Variants in PC observed in about 807,000 individuals in gnomAD.
PC encodes the protein pyruvate carboxylase, mitochondrial.
Under a neutral mutation model 107.8 loss-of-function variants are expected in PC, and 46 were observed. That is an observed-to-expected ratio of 0.43 (90% CI 0.34 to 0.55). PC has a LOEUF of 0.55. PC is among the 20% of genes least tolerant of loss of function. The probability of loss-of-function intolerance (pLI) is 0.04; values close to 1 mark genes in which losing one functional copy is unlikely to be tolerated. For missense variants in PC, 1,241 were observed against 1,643.1 expected (o/e 0.76, Z 4.23); for synonymous variants, 662 against 684.7 (o/e 0.97, Z 0.52).
In PC at chr11:66,852,928, A is replaced by T; in HGVS notation, c.1514-92T>A. The T allele has an allele frequency of 1.0e-6, 1 of 980,820 alleles. No individual in the cohort carries two copies. 60.8% of individuals were successfully genotyped at this position (980,820 alleles called of 1,614,324 possible). A position where few individuals can be genotyped will look rare whatever the true frequency, so the allele number is the denominator to read the frequency against. ...AGTGGCTGGGCTCAGGGACAGGGAC[A>T]CATCCCTCCAGGATCCCCGGGCTTC... On this transcript the variant is annotated intron_variant, in intron 13 of 22. Transcript: ENST00000393960. The surrounding 1 kb of genome is among the most constrained non-coding windows in gnomAD (Gnocchi z 4.7).
intron 3 of PC, among the ~76,000 whole-genome samples, chr11:66,908,924 T>G (rs1324717467): frequency 1.3e-5 from 2 of 152,140 alleles, no homozygotes; most frequent in Non-Finnish European, 2.9e-5. Flanking sequence ...TTCTCTATCT[T>G]TTCCCAAGAT....
In PC at chr11:66,852,961, C is replaced by T; in HGVS notation, c.1514-125G>A. The T allele has an allele frequency of 1.2e-6, 1 of 807,014 alleles. No homozygotes were observed. The allele number at this position is 807,014 out of a possible 1,614,324, so 50.0% of individuals were successfully genotyped here. A position where few individuals can be genotyped will look rare whatever the true frequency, so the allele number is the denominator to read the frequency against. ...CCAGGATCCCCGGGCTTCCAGCTGG[C>T]CCCTGTCCTCTCCAAAGCCAGGGCC... On this transcript the variant is annotated intron_variant, in intron 13 of 22. Transcript: ENST00000393960. This position sits in a 1 kb window ranked among gnomAD's most constrained non-coding sequence, Gnocchi z 4.7.
intron 10 of PC, among the ~76,000 whole-genome samples, chr11:66,868,194 C>T (rs765814525): frequency 2.0e-5 from 3 of 152,206 alleles, no homozygotes; most frequent in Non-Finnish European, 4.4e-5. Context: ...GAGCTGAAGC[C>T]AAACATTCAG....
At position 66,948,880 on chromosome 11, in the gene PC, G is replaced by A. The variant is rs1591317917; in HGVS notation, c.-1+3550C>T. Among the ~76,000 whole-genome samples, 3 of 151,780 alleles carry A rather than the reference G, an allele frequency of 2.0e-5. 1 individual carries two copies. In the South Asian group the frequency reaches 6.2e-4, roughly 32 times the overall value. On this transcript the variant is annotated intron_variant, in intron 3 of 22. Coordinates refer to ENST00000393960, the MANE Select transcript of PC (RefSeq NM_001040716.2). The stretch of plus-strand genomic sequence containing the variant: ...ACAAACAAAACATAAAACGGTATAG[G>A]AAAGTTTAAGAAAAGTGTAATATTC...
chr11:66,855,781 C>T (rs969854510), intron 12 of PC, among the ~76,000 whole-genome samples: 2 of 152,210 alleles, frequency 1.3e-5, no homozygotes, highest in African/African-American at 2.4e-5. Context: ...GCTGTCCTCC[C>T]CTCTCGCCCC....
intron 3 of PC, among the ~76,000 whole-genome samples, chr11:66,940,948 T>C (rs1274624305): frequency 1.3e-5 from 2 of 151,568 alleles, no homozygotes; most frequent in African/African-American, 4.8e-5. Context: ...TGGTGGTGCA[T>C]GTTTACAATC....
chr11:66,939,501 C>G (rs1476918669), intron 3 of PC, among the ~76,000 whole-genome samples: 4 of 152,076 alleles, frequency 2.6e-5, no homozygotes, highest in African/African-American at 9.7e-5. Flanking sequence ...TGAGGACAGA[C>G]TGTACTTAAA....
In PC at chr11:66,882,216, C is replaced by T. The variant is rs150120667; in HGVS notation, c.1-10057G>A. On this transcript the variant is annotated intron_variant, in intron 3 of 22. Coordinates refer to ENST00000393960, the MANE Select transcript of PC (RefSeq NM_001040716.2). ...GGAGCACAGAATCCTGCTGTCAGGC[C>T]ATCATCCCCCAAGTTTTGTTCCAGA... 3.2e-4 allele frequency among the ~76,000 whole-genome samples: 48 copies of T among 152,374 alleles called. No individual in the cohort carries two copies. In the East Asian group the frequency reaches 8.3e-3, roughly 26 times the overall value.
chr11:66,957,176 G>T (rs969902732), intron 1 of PC, among the ~76,000 whole-genome samples: 15 of 152,224 alleles, frequency 9.9e-5, no homozygotes, highest in African/African-American at 3.4e-4. Flanking sequence ...GGTGGCAGTG[G>T]GTACGGGAGC....
At chr11:66,930,741 TA>T (rs34424812) in intron 3 of PC, among the ~76,000 whole-genome samples, 41,148 of 99,328 alleles carry the variant, frequency 0.41, 7,118 homozygotes, top group Middle Eastern at 0.51. Context: ...GACTCTGTCT[TA>T]AAAAAAAAAA....
At chr11:66,849,553 C>G (rs945898412) in intron 21 of PC, 58 bp downstream of exon 21, 14 of 1,613,288 alleles carry the variant, frequency 8.7e-6, no homozygotes, top group Non-Finnish European at 1.2e-5. Flanking sequence ...AAGCTAAACT[C>G]CAGAGCTCTG....
At chr11:66,920,533 C>T (rs1402987520) in intron 3 of PC, among the ~76,000 whole-genome samples, 5 of 152,082 alleles carry the variant, frequency 3.3e-5, no homozygotes, top group African/African-American at 1.2e-4. Context: ...CCCCTGGGGA[C>T]CTGTTTGGAG....
At chr11:66,876,382 T>C (rs1946978337) in intron 3 of PC, among the ~76,000 whole-genome samples, 1 of 152,236 alleles carries the variant, frequency 6.6e-6, no homozygotes, top group South Asian at 2.1e-4. Flanking sequence ...GGAACTGGGG[T>C]CAGGGGTACG....
At chr11:66,914,772 T>C (rs151038633) in intron 3 of PC, among the ~76,000 whole-genome samples, 130 of 152,140 alleles carry the variant, frequency 8.5e-4, no homozygotes, top group African/African-American at 3.0e-3. Flanking sequence ...TGGTGGCTCA[T>C]ACCTGTAATC....
At chr11:66,878,087 G>A (rs1325114618) in intron 3 of PC, among the ~76,000 whole-genome samples, 2 of 152,162 alleles carry the variant, frequency 1.3e-5, no homozygotes, top group African/African-American at 2.4e-5. Flanking sequence ...CTGCTACACC[G>A]ACTCCTTGGG....
At chr11:66,856,342 G>A (rs1945824492) in intron 12 of PC, among the ~76,000 whole-genome samples, 1 of 152,082 alleles carries the variant, frequency 6.6e-6, no homozygotes, top group African/African-American at 2.4e-5. Context: ...GGTTGGCTCC[G>A]GAACGCCTGG....
chr11:66,939,401 T>A (rs1178319993), intron 3 of PC, among the ~76,000 whole-genome samples: 3 of 152,056 alleles, frequency 2.0e-5, no homozygotes, highest in African/African-American at 7.2e-5. Context: ...TTGGAACCAG[T>A]CCCCAGGGGA....
chr11:66,870,601 G>T lies in PC; in HGVS notation c.752-148C>A. The T allele has an allele frequency of 1.7e-6, 2 of 1,161,708 alleles. No individual in the cohort carries two copies. Among genetic ancestry groups the T allele is most frequent in the Non-Finnish European group, 2.5e-6 (2 of 790,436 alleles). The allele number at this position is 1,161,708 out of a possible 1,614,324, so 72.0% of individuals were successfully genotyped here. The stretch of plus-strand genomic sequence containing the variant: ...CAGGAGAGACACCAGCATCACCAAG[G>T]CTGTGAGGACCAACTGCCAGCTCGG... On this transcript the variant is annotated intron_variant, in intron 8 of 22. Transcript: ENST00000393960. The surrounding 1 kb of genome is among the most constrained non-coding windows in gnomAD (Gnocchi z 6.1).
intron 3 of PC, among the ~76,000 whole-genome samples, chr11:66,935,626 C>A (rs147108671): frequency 1.5e-4 from 23 of 152,278 alleles, no homozygotes; most frequent in Admixed American, 3.3e-4. Flanking sequence ...TGTGGAACGG[C>A]AGCATATTCT....
Sources: gnomAD v4.1 joint callset for allele counts (sites outside exome capture counted in the v4.1 genomes callset) on GRCh38, gnomAD v4.1.1 for gene constraint, Gnocchi (gnomAD v3.1) non-coding constraint, MANE v1.5 for transcripts, NCBI Gene and HGNC (gene_info 2026-07-23, HGNC 2026-07-21) for gene names.